FOXN3: variants seen among roughly 807,000 people sequenced by gnomAD.
FOXN3 encodes the protein forkhead box N3, also known as forkhead box protein N3.
A neutral mutation model predicts 38.4 loss-of-function variants in FOXN3; 7 were observed. That is an observed-to-expected ratio of 0.18 (90% CI 0.10 to 0.34). The LOEUF (loss-of-function observed/expected upper bound fraction) is 0.34, where lower values mean the gene tolerates loss of function less well. FOXN3 is among the 10% of genes least tolerant of loss of function. FOXN3 has a pLI of 1.00. For missense variants in FOXN3, 456 were observed against 613.4 expected (o/e 0.74, Z 2.71); for synonymous variants, 230 against 242.2 (o/e 0.95, Z 0.47).
At chr14:89,552,133 C>G (rs1223317217) in intron 1 of FOXN3, among the ~76,000 whole-genome samples, 1 of 152,152 alleles carries the variant, frequency 6.6e-6, no homozygotes, top group Admixed American at 6.5e-5. Flanking sequence ...GAAAAGCGCA[C>G]GGTTGCTTCC....
At chr14:89,316,176 G>A (rs955213314) in intron 3 of FOXN3, among the ~76,000 whole-genome samples, 2 of 152,112 alleles carry the variant, frequency 1.3e-5, no homozygotes, top group African/African-American at 4.8e-5. Context: ...TCTTGTTGCT[G>A]GGAACCCTTC....
At position 89,403,079 on chromosome 14, in the gene FOXN3, C is replaced by A. The variant is rs1031831905; in HGVS notation, c.543+8855G>T. 2.6e-5 allele frequency among the ~76,000 whole-genome samples: 4 copies of A among 152,186 alleles called. No individual in the cohort carries two copies. The South Asian group carries it at 6.2e-4, about 24-fold the overall frequency. Reference sequence around the variant, plus strand: ...TGAATGATACCAATCTCACACTGATCGGCACACTTCCAGTACTTACGGTAA... The same window carrying A: ...TGAATGATACCAATCTCACACTGATAGGCACACTTCCAGTACTTACGGTAA... On this transcript the variant is annotated intron_variant, in intron 2 of 5. Transcript: ENST00000557258.
intron 5 of FOXN3, among the ~76,000 whole-genome samples, chr14:89,180,137 T>C (rs115393726): frequency 1.4e-3 from 220 of 152,254 alleles, no homozygotes; most frequent in African/African-American, 5.0e-3. Flanking sequence ...ATGGAGAGCA[T>C]GGAGGAGAGA....
chr14:89,511,205 TTC>T (rs1347347742), intron 1 of FOXN3, among the ~76,000 whole-genome samples: 1 of 20,120 alleles, frequency 5.0e-5, no homozygotes, highest in African/African-American at 1.0e-4. Flanking sequence ...TTTCTTTCTT[TTC>T]TTTCTTTCTT....
intron 4 of FOXN3, among the ~76,000 whole-genome samples, chr14:89,261,851 C>G (rs1329226939): frequency 6.6e-6 from 1 of 152,160 alleles, no homozygotes; most frequent in Non-Finnish European, 1.5e-5. Flanking sequence ...TGGTATGAAC[C>G]CAGGAGGTGG....
chr14:89,565,292 G>A (rs10162463), intron 1 of FOXN3, among the ~76,000 whole-genome samples: 4,720 of 152,010 alleles, frequency 0.031, 238 homozygotes, highest in African/African-American at 0.11. Context: ...GCACAGCCCC[G>A]CCAACACCTT....
intron 1 of FOXN3, among the ~76,000 whole-genome samples, chr14:89,506,663 CG>C (rs1893946919): frequency 6.6e-6 from 1 of 152,116 alleles, no homozygotes; most frequent in African/African-American, 2.4e-5. Flanking sequence ...GGATAACAAT[CG>C]CGGTTTTGTG....
chr14:89,291,512 G>A (rs1024137849), intron 3 of FOXN3: 8 of 591,234 alleles, frequency 1.4e-5, no homozygotes, highest in Non-Finnish European at 2.0e-5. Flanking sequence ...ATCCCCAGGG[G>A]GCCTGTGGGA....
At chr14:89,219,519 C>A (rs1007220209) in intron 4 of FOXN3, among the ~76,000 whole-genome samples, 9 of 152,184 alleles carry the variant, frequency 5.9e-5, no homozygotes, top group African/African-American at 1.7e-4. Flanking sequence ...AGGAAAGGGC[C>A]TTGTCTTTCC....
Position 89,561,208 on chromosome 14 carries a change from CATTT to C in FOXN3, c.-15+57816_-15+57819del, listed in dbSNP as rs1895242802. ...CTTCAAAGGCAGTATTTTGTTCATTCATTTGTTTGTTTATTTATTTAGAGACGGA... is the reference window on the plus strand; with the variant it reads ...CTTCAAAGGCAGTATTTTGTTCATTCGTTTGTTTATTTATTTAGAGACGGA... On this transcript the variant is annotated intron_variant, in intron 1 of 6. Coordinates refer to the FOXN3 transcript ENST00000345097. Among the ~76,000 whole-genome samples, 5 of 152,274 alleles carry C rather than the reference CATTT, an allele frequency of 3.3e-5. No individual in the cohort carries two copies. In the South Asian group the frequency reaches 8.3e-4, roughly 25 times the overall value.
chr14:89,491,011 GT>G (rs1057019239), intron 1 of FOXN3, among the ~76,000 whole-genome samples: 2 of 152,006 alleles, frequency 1.3e-5, no homozygotes, highest in Non-Finnish European at 2.9e-5. Flanking sequence ...TTTCACCCTT[GT>G]GGCCCAGGCT....
chr14:89,603,366 T>G (rs1478380459), intron 1 of FOXN3, among the ~76,000 whole-genome samples: 2 of 152,248 alleles, frequency 1.3e-5, no homozygotes, highest in African/African-American at 4.8e-5. Context: ...TTGTTTTGAT[T>G]CATGGCACCA....
At chr14:89,381,455 G>A (rs572929047) in intron 2 of FOXN3, among the ~76,000 whole-genome samples, 118 of 138,868 alleles carry the variant, frequency 8.5e-4, no homozygotes, top group Admixed American at 5.1e-3. Flanking sequence ...AACATTGCCC[G>A]ACATCCTGGC....
chr14:89,328,821 T>C (rs1453890335), intron 3 of FOXN3, among the ~76,000 whole-genome samples: 2 of 152,164 alleles, frequency 1.3e-5, no homozygotes, highest in Non-Finnish European at 2.9e-5. Context: ...AGGGTAGAGC[T>C]TGACAGGTGA....
At chr14:89,399,245 C>T (rs1417865877) in intron 2 of FOXN3, among the ~76,000 whole-genome samples, 1 of 152,140 alleles carries the variant, frequency 6.6e-6, no homozygotes, top group African/African-American at 2.4e-5. Flanking sequence ...TGCCACTGGG[C>T]ACTGGAACCA....
chr14:89,598,805 T>C (rs994229458), intron 1 of FOXN3, among the ~76,000 whole-genome samples: 1 of 152,214 alleles, frequency 6.6e-6, no homozygotes, highest in African/African-American at 2.4e-5. Context: ...AGCTTTTCTC[T>C]TTTTCTTTTA....
intron 1 of FOXN3, among the ~76,000 whole-genome samples, chr14:89,534,651 C>T (rs34153568): frequency 0.2 from 30,500 of 152,068 alleles, 3,718 homozygotes; most frequent in Middle Eastern, 0.28. Flanking sequence ...ATTAAGACTC[C>T]CCTGGGGAAC....
chr14:89,534,320 GT>G (rs1894638679), intron 1 of FOXN3, among the ~76,000 whole-genome samples: 1 of 151,942 alleles, frequency 6.6e-6, no homozygotes, highest in South Asian at 2.1e-4. Flanking sequence ...GGCCAGGCTG[GT>G]CTGGAACTGA....
rs996454735 is a variant in FOXN3 at position 89,211,814 on chromosome 14, T to C, written c.746-31008A>G. 3.2e-4 allele frequency among the ~76,000 whole-genome samples: 48 copies of C among 152,188 alleles called. 1 individual carries two copies. Among genetic ancestry groups the C allele is most frequent in the Non-Finnish European group, 1.0e-4 (7 of 68,016 alleles). On this transcript the variant is annotated intron_variant, in intron 4 of 5. Coordinates refer to ENST00000557258, the MANE Select transcript of FOXN3 (RefSeq NM_005197.4). ...TTGGTCTGGGATGATCCTGAAATAT[T>C]TGCTATAACAGGAAGATGTGTTCTG...
Sources: gnomAD v4.1 joint callset for allele counts (sites outside exome capture counted in the v4.1 genomes callset) on GRCh38, gnomAD v4.1.1 for gene constraint, MANE v1.5 for transcripts, NCBI Gene and HGNC (gene_info 2026-07-23, HGNC 2026-07-21) for gene names.